The following PDAP1 variants were observed in gnomAD, a reference collection of about 807,000 sequenced individuals.
PDAP1 encodes PDGFA associated protein 1, also known as 28 kDa heat- and acid-stable phosphoprotein.
A neutral mutation model predicts 28.0 loss-of-function variants in PDAP1; 13 were observed. The observed-to-expected ratio is 0.46, with a 90% CI of 0.30 to 0.74. The LOEUF is 0.74. PDAP1 is among the 30% of genes least tolerant of loss of function. The probability of loss-of-function intolerance (pLI) is 0.07; values close to 1 mark genes in which losing one functional copy is unlikely to be tolerated. For missense variants in PDAP1, 150 were observed against 230.0 expected (o/e 0.65, Z 2.25); for synonymous variants, 77 against 85.1 (o/e 0.91, Z 0.52).
In PDAP1 at chr7:99,404,868, C is replaced by T. The variant is rs1794942407; in HGVS notation, c.99G>A (p.Lys33=). 1 of 1,612,292 alleles carries T rather than the reference C, an allele frequency of 6.2e-7. No homozygotes were observed. Among genetic ancestry groups the T allele is most frequent in the Non-Finnish European group, 8.5e-7 (1 of 1,179,704 alleles). ...TGGACAGGCACGTACTCACCCTGGCCTTCTGCTTCTCAGCCTGCAGCTGCG... is the reference window on the plus strand; with the variant it reads ...TGGACAGGCACGTACTCACCCTGGCTTTCTGCTTCTCAGCCTGCAGCTGCG... ...IDAQLQAEKQ[K]AREEEEQKEG... Residue 33 remains lysine, a synonymous_variant, in exon 2 of 6, where the codon AAG becomes AAA. Coordinates refer to ENST00000350498, the MANE Select transcript of PDAP1 (RefSeq NM_014891.7).
intron 1 of PDAP1, among the ~76,000 whole-genome samples, chr7:99,406,071 A>G (rs541294402): frequency 1.1e-4 from 16 of 152,320 alleles, no homozygotes; most frequent in African/African-American, 3.8e-4. Flanking sequence ...CAACATGGTG[A>G]AACCCCCTCA....
At chr7:99,396,931 G>A (rs1169383624) in intron 5 of PDAP1, among the ~76,000 whole-genome samples, 191 bp from the exon 6 acceptor site, 2 of 152,068 alleles carry the variant, frequency 1.3e-5, no homozygotes, top group Admixed American at 6.6e-5. Flanking sequence ...TTCCCGACAC[G>A]CTTCAGTGGC....
intron 5 of PDAP1, among the ~76,000 whole-genome samples, chr7:99,397,155 G>C (rs1794783965): frequency 6.6e-6 from 1 of 152,266 alleles, no homozygotes; most frequent in African/African-American, 2.4e-5. Context: ...ATGGGAAGTT[G>C]GGATCACTGG....
At chr7:99,406,078 C>T (rs1318994995) in intron 1 of PDAP1, among the ~76,000 whole-genome samples, 2 of 152,040 alleles carry the variant, frequency 1.3e-5, no homozygotes, top group Admixed American at 6.6e-5. Flanking sequence ...GTGAAACCCC[C>T]TCACTACTAA....
At chr7:99,398,779 GA>G (rs1794810192) in intron 4 of PDAP1, among the ~76,000 whole-genome samples, 1 of 152,176 alleles carries the variant, frequency 6.6e-6, no homozygotes, top group Non-Finnish European at 1.5e-5. Context: ...ACCACAGTGG[GA>G]AACAGACACA....
chr7:99,402,828 G>A (rs1390478823), intron 3 of PDAP1, among the ~76,000 whole-genome samples: 1 of 143,174 alleles, frequency 7.0e-6, no homozygotes, highest in Non-Finnish European at 1.5e-5. Flanking sequence ...GCAGTGAGCT[G>A]AGATCGTGCC....
rs1794742957 is a variant in PDAP1, at chr7:99,395,718, G to A, written c.*964C>T. 6.6e-6 allele frequency: 1 copy of A among 152,220 alleles called. No homozygotes were observed. The highest frequency in any genetic ancestry group is 2.1e-4 in the South Asian group (1 of 4,830). 9.4% of individuals were successfully genotyped at this position (152,220 alleles called of 1,614,324 possible). A position where few individuals can be genotyped will look rare whatever the true frequency, so the allele number is the denominator to read the frequency against. On this transcript the variant is annotated 3_prime_UTR_variant, in exon 6 of 6. Transcript: ENST00000350498. ...ACAGGCCAGGCCAGGCCAGGATCCT[G>A]GTGCTGCTTCAGCCTACTGTGGCCT...
intron 1 of PDAP1, among the ~76,000 whole-genome samples, chr7:99,407,540 G>A (rs542082375): frequency 6.6e-6 from 1 of 152,234 alleles, no homozygotes; most frequent in Non-Finnish European, 1.5e-5. Flanking sequence ...TGTGGGTTGA[G>A]TGCATTAACC....
chr7:99,403,592 C>T (rs1297033603), intron 2 of PDAP1, 87 bp from the exon 3 acceptor site: 10 of 891,374 alleles, frequency 1.1e-5, no homozygotes, highest in Non-Finnish European at 1.1e-5. Context: ...GACTGTGGAT[C>T]TTGAGAAATC....
At chr7:99,408,174 G>C (rs1321736688) in intron 1 of PDAP1, among the ~76,000 whole-genome samples, 1 of 152,168 alleles carries the variant, frequency 6.6e-6, no homozygotes, top group Non-Finnish European at 1.5e-5. Context: ...TTTTACGCGA[G>C]AGGCAGGCGG....
chr7:99,400,624 G>A (rs762486672), intron 3 of PDAP1, among the ~76,000 whole-genome samples, 200 bp from the exon 4 acceptor site: 8 of 152,178 alleles, frequency 5.3e-5, no homozygotes, highest in East Asian at 1.9e-4. Context: ...CCCACAGAAC[G>A]GCTGCTCGGG....
Position 99,396,829 on chromosome 7 carries a change from T to C in PDAP1, c.488-89A>G, listed in dbSNP as rs929533521. On this transcript the variant is annotated intron_variant, in intron 5 of 5. Transcript: ENST00000350498. ...TGCCAGAACCCTAGAACTTTAGGTCTGAAAGGCTGCAGAAAACATTCTGTG... is the reference window on the plus strand; with the variant it reads ...TGCCAGAACCCTAGAACTTTAGGTCCGAAAGGCTGCAGAAAACATTCTGTG... 3.0e-6 allele frequency: 3 copies of C among 1,000,756 alleles called. No individual in the cohort carries two copies. The Admixed American group carries it at 6.3e-5, about 21-fold the overall frequency. The allele number at this position is 1,000,756 out of a possible 1,614,324, so 62.0% of individuals were successfully genotyped here.
chr7:99,395,508 T>C lies in PDAP1; in HGVS notation c.*1174A>G, dbSNP rs1794737493. 1 of 152,252 alleles carries C rather than the reference T, an allele frequency of 6.6e-6. No homozygotes were observed. The highest frequency in any genetic ancestry group is 2.1e-4 in the South Asian group (1 of 4,836). 9.4% of individuals were successfully genotyped at this position (152,252 alleles called of 1,614,324 possible). The stretch of plus-strand genomic sequence containing the variant: ...ATTACAATGTTGGCAAGATATTTTT[T>C]TCGTGTGCTGTAAACTGAGGTTCTG... On this transcript the variant is annotated 3_prime_UTR_variant, in exon 6 of 6. Coordinates refer to ENST00000350498, the MANE Select transcript of PDAP1 (RefSeq NM_014891.7).
chr7:99,404,979 G>T (rs761996178), intron 1 of PDAP1, 26 bp from the exon 2 acceptor site: 1 of 1,568,722 alleles, frequency 6.4e-7, no homozygotes, highest in South Asian at 1.1e-5. Flanking sequence ...GTTTAGGTGA[G>T]CGGAAGCAGC....
At chr7:99,403,312 C>T (rs1307706196) in intron 3 of PDAP1, 86 bp downstream of exon 3, 2 of 809,138 alleles carry the variant, frequency 2.5e-6, no homozygotes, top group East Asian at 2.4e-5. Flanking sequence ...CTGCATCTAC[C>T]TTTGGGACTA....
At chr7:99,399,677 T>TC (rs1794827644) in intron 4 of PDAP1, among the ~76,000 whole-genome samples, 1 of 152,144 alleles carries the variant, frequency 6.6e-6, no homozygotes, top group Non-Finnish European at 1.5e-5. Flanking sequence ...TATCCTAAAT[T>TC]CCCAGTCAGG....
chr7:99,403,065 T>C (rs1794908079), intron 3 of PDAP1, among the ~76,000 whole-genome samples: 1 of 152,144 alleles, frequency 6.6e-6, no homozygotes, highest in South Asian at 2.1e-4. Flanking sequence ...CACAGGACCT[T>C]TGCACTTGCT....
intron 3 of PDAP1, among the ~76,000 whole-genome samples, chr7:99,400,648 C>T (rs1022636050): frequency 1.6e-4 from 24 of 152,188 alleles, no homozygotes; most frequent in Non-Finnish European, 8.8e-5. Context: ...GAATAACTTG[C>T]CCAAGTCAAC....
rs1794844066 is a variant in PDAP1 at position 99,400,509 on chromosome 7, T to A, written c.214-85A>T. The A allele has an allele frequency of 1.1e-5, 17 of 1,525,446 alleles. No homozygotes were observed. The South Asian group carries it at 2.0e-4, about 18-fold the overall frequency. The allele number at this position is 1,525,446 out of a possible 1,614,324, so 94.5% of individuals were successfully genotyped here. A position where few individuals can be genotyped will look rare whatever the true frequency, so the allele number is the denominator to read the frequency against. ...ACTCCTGCCATCTCTCAACAGCCCA[T>A]CTGGATGAGGACAAACTCCTGCTCC... On this transcript the variant is annotated intron_variant, in intron 3 of 5. Coordinates refer to ENST00000350498, the MANE Select transcript of PDAP1 (RefSeq NM_014891.7).
Sources: gnomAD v4.1 joint callset for allele counts (sites outside exome capture counted in the v4.1 genomes callset) on GRCh38, gnomAD v4.1.1 for gene constraint, MANE v1.5 for transcripts, NCBI Gene and HGNC (gene_info 2026-07-23, HGNC 2026-07-21) for gene names.